MEIS2: variants seen among roughly 807,000 people sequenced by gnomAD.
The protein encoded by MEIS2 is Meis homeobox 2.
In MEIS2, 9 loss-of-function variants were observed where a neutral mutation model predicts 58.6. The ratio of observed to expected loss-of-function variants is 0.15; its 90% CI spans 0.09 to 0.27. The LOEUF is 0.27. Among genes scored for constraint, MEIS2 ranks in the 10% least tolerant of loss-of-function variants. The pLI is 1.00. For missense variants in MEIS2, 427 were observed against 635.0 expected (o/e 0.67, Z 3.52); for synonymous variants, 221 against 228.4 (o/e 0.97, Z 0.29).
At chr15:36,945,365 T>C (rs1434479792) in intron 9 of MEIS2, among the ~76,000 whole-genome samples, 2 of 152,064 alleles carry the variant, frequency 1.3e-5, no homozygotes, top group African/African-American at 4.8e-5. Context: ...GCTGAGAAGT[T>C]CTCCTAACAA....
chr15:37,017,463 G>A lies in MEIS2; in HGVS notation c.900+19351C>T, dbSNP rs201990099. On this transcript the variant is annotated intron_variant, in intron 8 of 11. Coordinates refer to ENST00000561208, the MANE Select transcript of MEIS2 (RefSeq NM_170675.5). ...TACTAAGAGTAAAACATTTAGAAGT[G>A]AACTGGGTATGGTGGGTCATGCCTG... 9.9e-5 allele frequency among the ~76,000 whole-genome samples: 15 copies of A among 152,160 alleles called. No individual in the cohort carries two copies. In the East Asian group the frequency reaches 2.7e-3, roughly 28 times the overall value.
intron 8 of MEIS2, among the ~76,000 whole-genome samples, chr15:36,957,225 G>A (rs974974368): frequency 2.6e-5 from 4 of 152,108 alleles, no homozygotes; most frequent in Admixed American, 2.0e-4. Context: ...GTAAATTTTA[G>A]CATGTTTTTT....
chr15:36,968,963 C>G (rs578063492), intron 8 of MEIS2, among the ~76,000 whole-genome samples: 16 of 152,214 alleles, frequency 1.1e-4, no homozygotes, highest in Non-Finnish European at 2.4e-4. Context: ...GTCCTCCTCA[C>G]TTCGCTTTCT....
At chr15:37,028,500 C>G (rs919678198) in intron 8 of MEIS2, among the ~76,000 whole-genome samples, 22 of 152,214 alleles carry the variant, frequency 1.4e-4, no homozygotes, top group Admixed American at 1.3e-3. Flanking sequence ...TTTCTCTCTT[C>G]TAGAGGAGCT....
chr15:37,055,299 A>T (rs1297804029), intron 7 of MEIS2, among the ~76,000 whole-genome samples: 1 of 152,184 alleles, frequency 6.6e-6, no homozygotes, highest in East Asian at 1.9e-4. Context: ...GGGGACAGGC[A>T]CTGGGGTTTT....
At chr15:36,967,501 A>G (rs2059395206) in intron 8 of MEIS2, among the ~76,000 whole-genome samples, 1 of 152,300 alleles carries the variant, frequency 6.6e-6, no homozygotes, top group African/African-American at 2.4e-5. Flanking sequence ...AATTGACTAC[A>G]AATTGGCCCC....
At chr15:37,023,572 C>G (rs762253217) in intron 8 of MEIS2, among the ~76,000 whole-genome samples, 10 of 152,316 alleles carry the variant, frequency 6.6e-5, no homozygotes, top group Non-Finnish European at 1.2e-4. Flanking sequence ...TCAAAAACTG[C>G]TCTAACATCT....
chr15:37,051,154 T>C (rs189597559), intron 7 of MEIS2, among the ~76,000 whole-genome samples: 1 of 152,226 alleles, frequency 6.6e-6, no homozygotes, highest in Admixed American at 6.5e-5. Context: ...ATACACAACA[T>C]CTAGCCTCAT....
intron 6 of MEIS2, among the ~76,000 whole-genome samples, chr15:37,087,068 A>T (rs1892976671): frequency 6.6e-6 from 1 of 152,312 alleles, no homozygotes; most frequent in East Asian, 1.9e-4. Context: ...AACCAAAGTG[A>T]CATACAAAAG....
chr15:36,897,513 C>G (rs890529744), intron 9 of MEIS2: 1 of 152,226 alleles, frequency 6.6e-6, no homozygotes, highest in Non-Finnish European at 1.5e-5. Flanking sequence ...TAAGTGCCTA[C>G]TTCATGTTAC....
At chr15:36,947,479 G>A (rs1567090803) in intron 9 of MEIS2, among the ~76,000 whole-genome samples, 1 of 151,778 alleles carries the variant, frequency 6.6e-6, no homozygotes, top group Admixed American at 6.6e-5. Flanking sequence ...ATGTTCCATC[G>A]CTTGTTACTA....
intron 8 of MEIS2, among the ~76,000 whole-genome samples, chr15:36,962,172 G>T (rs1290902588): frequency 6.6e-6 from 1 of 152,130 alleles, no homozygotes; most frequent in Non-Finnish European, 1.5e-5. Context: ...TCTGAATGAT[G>T]GTCAAAACTC....
chr15:37,074,779 G>T (rs936842817), intron 7 of MEIS2, among the ~76,000 whole-genome samples: 6 of 151,946 alleles, frequency 3.9e-5, no homozygotes, highest in African/African-American at 1.4e-4. Context: ...GTAAAACTGG[G>T]ATTGGAACTC....
intron 11 of MEIS2, among the ~76,000 whole-genome samples, chr15:36,893,439 A>C (rs2055993192): frequency 6.6e-6 from 1 of 152,196 alleles, no homozygotes; most frequent in Non-Finnish European, 1.5e-5. Context: ...GAAGTGGCAA[A>C]ACCATCTAAA....
intron 1 of MEIS2, chr15:37,098,984 G>C (rs1201945616): frequency 2.0e-6 from 2 of 984,424 alleles, no homozygotes; most frequent in African/African-American, 3.5e-5. Context: ...TAGTCTAGGC[G>C]GCGGCGCAGC....
intron 8 of MEIS2, among the ~76,000 whole-genome samples, chr15:37,004,119 T>G (rs1357755398): frequency 6.6e-6 from 1 of 152,246 alleles, no homozygotes; most frequent in Non-Finnish European, 1.5e-5. Flanking sequence ...CCACAACTAC[T>G]GGATGACTTT....
intron 8 of MEIS2, among the ~76,000 whole-genome samples, chr15:36,995,973 A>ATATATATATATATATATATATATATATG (rs2060485432): frequency 1.3e-4 from 1 of 7,876 alleles, no homozygotes; most frequent in African/African-American, 2.4e-4. Flanking sequence ...ATATATATAT[A>ATATATATATATATATATATATATATATG]TATATATATA....
At chr15:36,925,997 A>G (rs1263618500) in intron 9 of MEIS2, among the ~76,000 whole-genome samples, 2 of 152,188 alleles carry the variant, frequency 1.3e-5, no homozygotes, top group African/African-American at 2.4e-5. Context: ...TATTCGTAAA[A>G]ACTGCATCAT....
chr15:36,906,375 A>T (rs1382483558), intron 9 of MEIS2, among the ~76,000 whole-genome samples: 1 of 152,156 alleles, frequency 6.6e-6, no homozygotes, highest in Non-Finnish European at 1.5e-5. Context: ...GCTCTGATTA[A>T]GGTGGTAGAA....
Sources: allele counts gnomAD v4.1 joint callset (sites outside exome capture counted in the v4.1 genomes callset), GRCh38; gene constraint gnomAD v4.1.1; transcripts MANE v1.5; gene names NCBI Gene and HGNC (gene_info 2026-07-23, HGNC 2026-07-21).